Variants in EED observed in about 807,000 individuals in gnomAD.
The protein encoded by EED is polycomb protein EED.
A neutral mutation model predicts 61.0 loss-of-function variants in EED; 9 were observed. The ratio of observed to expected loss-of-function variants is 0.15; its 90% CI spans 0.09 to 0.26. The LOEUF is 0.26. Among genes scored for constraint, EED ranks in the 10% least tolerant of loss-of-function variants. EED has a pLI of 1.00. For missense variants in EED, 315 were observed against 542.3 expected (o/e 0.58, Z 4.16); for synonymous variants, 187 against 174.4 (o/e 1.07, Z -0.57).
At chr11:86,264,069 G>A (rs1440879955) in intron 6 of EED, 103 bp from the exon 7 acceptor site, 6 of 842,366 alleles carry the variant, frequency 7.1e-6, no homozygotes, top group African/African-American at 1.7e-5. Context: ...AGGCTTTACT[G>A]TGCATAACTT....
At chr11:86,286,709 A>G in the EED span, among the ~76,000 whole-genome samples, 1 of 152,258 alleles carries the variant, frequency 6.6e-6, no homozygotes, top group African/African-American at 2.4e-5. Flanking sequence ...GCGGTGGCTC[A>G]GGCCTGTAAT....
At chr11:86,283,163 G>C (rs928746465), downstream of EED, among the ~76,000 whole-genome samples, 1 of 138,676 alleles carries the variant, frequency 7.2e-6, no homozygotes, top group African/African-American at 2.5e-5. Flanking sequence ...TAAGTCTTAA[G>C]GAGGCCCCTA....
At chr11:86,281,474 G>A (rs1946322420), downstream of EED, among the ~76,000 whole-genome samples, 1 of 151,784 alleles carries the variant, frequency 6.6e-6, no homozygotes, top group Admixed American at 6.6e-5. Flanking sequence ...CTAACTTGAG[G>A]TTTAGTTTGT....
intron 5 of EED, among the ~76,000 whole-genome samples, chr11:86,256,750 C>G (rs1945686241): frequency 6.6e-6 from 1 of 152,128 alleles, no homozygotes; most frequent in African/African-American, 2.4e-5. Context: ...AATCATTTCC[C>G]TCTTTCACCC....
chr11:86,279,072 C>T (rs1412043629), downstream of EED, among the ~76,000 whole-genome samples: 1 of 152,046 alleles, frequency 6.6e-6, no homozygotes, highest in South Asian at 2.1e-4. Context: ...TAAATGTATT[C>T]TGTGTTTATA....
downstream of EED, among the ~76,000 whole-genome samples, chr11:86,282,648 T>C (rs544977833): frequency 6.6e-6 from 1 of 152,302 alleles, no homozygotes; most frequent in South Asian, 2.1e-4. Context: ...CCCATTCCAG[T>C]TTTGTTGTTA....
At chr11:86,249,283 AT>A (rs1945466578) in intron 1 of EED, among the ~76,000 whole-genome samples, 1 of 151,378 alleles carries the variant, frequency 6.6e-6, no homozygotes, top group African/African-American at 2.4e-5. Flanking sequence ...CATTTATGAT[AT>A]TTTTTAACCT....
chr11:86,246,159 A>G (rs988986649), intron 1 of EED, among the ~76,000 whole-genome samples: 31 of 152,232 alleles, frequency 2.0e-4, no homozygotes, highest in Non-Finnish European at 5.9e-5. Context: ...CGGTACCAAC[A>G]TTTAACCCAA....
At chr11:86,255,108 A>G (rs781239682) in intron 3 of EED, 114 bp from the exon 4 acceptor site, 10 of 744,428 alleles carry the variant, frequency 1.3e-5, no homozygotes, top group Non-Finnish European at 1.9e-5. Flanking sequence ...ATTTTAAGGC[A>G]GTAGTTTCTG....
rs144899609 is a variant in EED at position 86,255,973 on chromosome 11, A to C, written c.427-414A>C. On this transcript the variant is annotated intron_variant, in intron 4 of 11. Coordinates refer to ENST00000263360, the MANE Select transcript of EED (RefSeq NM_003797.5). The stretch of plus-strand genomic sequence containing the variant: ...TATTGAGACTGTCTCACAAAGAAAA[A>C]AGTGGAAAACTGAATTGTTCTTTTT... Among the ~76,000 whole-genome samples, 100 of 152,302 alleles carry C rather than the reference A, an allele frequency of 6.6e-4. 1 individual carries two copies. Among genetic ancestry groups the C allele is most frequent in the African/African-American group, 2.2e-3 (92 of 41,564 alleles).
chr11:86,277,220 TTC>T, intron 10 of EED, 82 bp downstream of exon 10: 1 of 1,293,842 alleles, frequency 7.7e-7, no homozygotes, highest in South Asian at 1.8e-5. Context: ...TGTGTCCATG[TTC>T]TTTTTCCTTT....
rs1946269002 is a variant in EED, at chr11:86,277,878, A to G, written c.1126-40A>G. ...TCCTCCAATGCTTTAGAACCTGGTA[A>G]TTTTATTAATTTGATGTTTTTAAAA... On this transcript the variant is annotated intron_variant, in intron 10 of 11. Transcript: ENST00000263360. 2.7e-6 allele frequency: 4 copies of G among 1,496,476 alleles called. No individual in the cohort carries two copies. The South Asian group carries it at 4.3e-5, about 16-fold the overall frequency. 92.7% of individuals were successfully genotyped at this position (1,496,476 alleles called of 1,614,324 possible). A position where few individuals can be genotyped will look rare whatever the true frequency, so the allele number is the denominator to read the frequency against.
intron 6 of EED, among the ~76,000 whole-genome samples, chr11:86,260,900 G>A (rs114310765): frequency 1.6e-3 from 237 of 151,388 alleles, no homozygotes; most frequent in African/African-American, 5.5e-3. Flanking sequence ...GTAAGAACAA[G>A]AAATTGAACT....
chr11:86,257,665 GA>G, intron 6 of EED, 69 bp downstream of exon 6: 1 of 1,274,524 alleles, frequency 7.8e-7, no homozygotes, highest in East Asian at 2.5e-5. Flanking sequence ...CTAATGTCAA[GA>G]AAACCCTGAC....
chr11:86,257,642 T>A, intron 6 of EED, 46 bp downstream of exon 6: 1 of 1,495,762 alleles, frequency 6.7e-7, no homozygotes, highest in Non-Finnish European at 9.2e-7. Flanking sequence ...TTGTCAGAAT[T>A]AAGATGGAGT....
downstream of EED, among the ~76,000 whole-genome samples, chr11:86,280,558 G>A (rs1946310943): frequency 2.0e-5 from 3 of 152,104 alleles, no homozygotes; most frequent in South Asian, 6.2e-4. Context: ...TCAGGAAATG[G>A]AAATCAAGAA....
the EED span, among the ~76,000 whole-genome samples, chr11:86,287,524 A>C: frequency 6.6e-6 from 1 of 152,150 alleles, no homozygotes; most frequent in Non-Finnish European, 1.5e-5. Context: ...GGAATAAAAA[A>C]TTGTTGGGTG....
At chr11:86,278,092 T>G in intron 11 of EED, 101 bp downstream of exon 11, 1 of 1,380,586 alleles carries the variant, frequency 7.2e-7, no homozygotes, top group East Asian at 2.6e-5. Context: ...CATCCTTAAG[T>G]CATTTTTAAC....
At chr11:86,254,456 G>C (rs1348893739) in intron 3 of EED, among the ~76,000 whole-genome samples, 2 of 151,380 alleles carry the variant, frequency 1.3e-5, no homozygotes, top group African/African-American at 2.4e-5. Flanking sequence ...GAGTAGCTGG[G>C]ACTACAGGCA....
Sources: gnomAD v4.1 joint callset for allele counts (sites outside exome capture counted in the v4.1 genomes callset) on GRCh38, gnomAD v4.1.1 for gene constraint, MANE v1.5 for transcripts, NCBI Gene and HGNC (gene_info 2026-07-23, HGNC 2026-07-21) for gene names.